The following PLA2G5 variants were observed in gnomAD, a reference collection of about 807,000 sequenced individuals.
PLA2G5 encodes phospholipase A2 group V.
In PLA2G5, 12 loss-of-function variants were observed where a neutral mutation model predicts 15.9. That is an observed-to-expected ratio of 0.76 (90% CI 0.48 to 1.23). The LOEUF is 1.23. Ranked by LOEUF, PLA2G5 falls within the 50% of genes most tolerant of loss-of-function variation. The pLI, the probability that PLA2G5 is intolerant of heterozygous loss-of-function variation, is 0.00. For missense variants in PLA2G5, 169 were observed against 177.1 expected (o/e 0.95, Z 0.26); for synonymous variants, 71 against 71.4 (o/e 0.99, Z 0.03).
intron 1 of PLA2G5, among the ~76,000 whole-genome samples, chr1:20,058,313 G>C (rs1468724387): frequency 1.3e-5 from 2 of 152,120 alleles, no homozygotes; most frequent in African/African-American, 2.4e-5. Flanking sequence ...TCCGTTGTGA[G>C]GGGCATACAC....
chr1:20,039,347 A>C (rs2013460210), intron 1 of PLA2G5, among the ~76,000 whole-genome samples: 1 of 152,186 alleles, frequency 6.6e-6, no homozygotes, highest in Admixed American at 6.5e-5. Flanking sequence ...GGTGTCAATA[A>C]ACTTGTTTCC....
At chr1:20,036,879 GGT>G (rs1466132468) in intron 1 of PLA2G5, among the ~76,000 whole-genome samples, 2 of 151,750 alleles carry the variant, frequency 1.3e-5, no homozygotes, top group Non-Finnish European at 2.9e-5. Context: ...TGGTCACGCT[GGT>G]CTCGAACTCC....
chr1:20,032,980 C>T (rs933087803), intron 1 of PLA2G5, among the ~76,000 whole-genome samples: 3 of 152,202 alleles, frequency 2.0e-5, no homozygotes, highest in Non-Finnish European at 4.4e-5. Context: ...TTGCCATTTC[C>T]TATGGGGATT....
chr1:20,068,852 C>T, upstream of PLA2G5: 2 of 804,586 alleles, frequency 2.5e-6, no homozygotes, highest in South Asian at 3.1e-5. Context: ...TCTTGTTTTC[C>T]AATGTGTTGC....
At chr1:20,030,861 C>T (rs2012883543) in intron 1 of PLA2G5, among the ~76,000 whole-genome samples, 1 of 152,226 alleles carries the variant, frequency 6.6e-6, no homozygotes, top group African/African-American at 2.4e-5. Context: ...CAACACAGCA[C>T]ATGTTTCTGT....
At chr1:20,066,670 T>G (rs2015048390), upstream of PLA2G5, among the ~76,000 whole-genome samples, 1 of 152,212 alleles carries the variant, frequency 6.6e-6, no homozygotes, top group Non-Finnish European at 1.5e-5. Context: ...CTTTTTGTTT[T>G]GTGTACATAT....
chr1:20,039,770 T>G (rs72661061), intron 1 of PLA2G5, among the ~76,000 whole-genome samples: 25,444 of 152,138 alleles, frequency 0.17, 2,295 homozygotes, highest in East Asian at 0.28. Context: ...CTGTACAGTT[T>G]TTAGGTAGTT....
chr1:20,040,287 A>G (rs2013519959), intron 1 of PLA2G5, among the ~76,000 whole-genome samples: 1 of 152,156 alleles, frequency 6.6e-6, no homozygotes, highest in African/African-American at 2.4e-5. Flanking sequence ...ATAGTTGTTC[A>G]AGATGATGCA....
chr1:20,082,695 G>A (rs891576707), intron 1 of PLA2G5, among the ~76,000 whole-genome samples: 2 of 151,950 alleles, frequency 1.3e-5, no homozygotes, highest in African/African-American at 4.9e-5. Context: ...GTATATGAAA[G>A]GCATGCTCAC....
At chr1:20,060,618 A>T (rs182809633) in intron 2 of PLA2G5, among the ~76,000 whole-genome samples, 9 of 151,240 alleles carry the variant, frequency 6.0e-5, no homozygotes, top group Admixed American at 2.6e-4. Context: ...TGTAAAGAGC[A>T]CCTCCTTTTA....
chr1:20,088,423 G>A (rs1330370816), intron 3 of PLA2G5, among the ~76,000 whole-genome samples: 6 of 147,186 alleles, frequency 4.1e-5, no homozygotes, highest in Admixed American at 4.0e-4. Flanking sequence ...TCCTGGGACA[G>A]AAAAAGGACA....
intron 1 of PLA2G5, among the ~76,000 whole-genome samples, chr1:20,038,861 G>A (rs866324915): frequency 1.2e-4 from 19 of 152,366 alleles, no homozygotes; most frequent in Middle Eastern, 3.4e-3. Context: ...CAGCAGTCCT[G>A]TGGTTGTTGA....
chr1:20,033,987 G>A (rs2013108185), intron 1 of PLA2G5, among the ~76,000 whole-genome samples: 1 of 152,100 alleles, frequency 6.6e-6, no homozygotes, highest in Admixed American at 6.5e-5. Flanking sequence ...TCCCTTATTA[G>A]CTCCTTTGGT....
At chr1:20,029,522 A>G (rs2012790214) in intron 1 of PLA2G5, among the ~76,000 whole-genome samples, 1 of 152,174 alleles carries the variant, frequency 6.6e-6, no homozygotes, top group Admixed American at 6.5e-5. Flanking sequence ...TATAGGCACA[A>G]GATGGGGGCA....
At chr1:20,068,970 G>C, upstream of PLA2G5, 1 of 1,284,290 alleles carries the variant, frequency 7.8e-7, no homozygotes, top group Non-Finnish European at 1.0e-6. Flanking sequence ...GGACAAAGAG[G>C]CCCAGAATTG....
At chr1:20,053,574 G>T (rs1037450964) in intron 1 of PLA2G5, among the ~76,000 whole-genome samples, 2 of 143,230 alleles carry the variant, frequency 1.4e-5, no homozygotes, top group Admixed American at 1.4e-4. Flanking sequence ...ACTTTGCGGG[G>T]GGGGGGGTGA....
chr1:20,062,947 C>G (rs997520449), intron 2 of PLA2G5, among the ~76,000 whole-genome samples: 6 of 152,108 alleles, frequency 3.9e-5, no homozygotes, highest in Non-Finnish European at 8.8e-5. Flanking sequence ...GATCTGTGGC[C>G]CCAAGTTTCT....
intron 1 of PLA2G5, among the ~76,000 whole-genome samples, chr1:20,056,073 A>G (rs976266010): frequency 2.0e-5 from 3 of 152,080 alleles, no homozygotes; most frequent in African/African-American, 7.2e-5. Flanking sequence ...TAAACACTGC[A>G]TTTCCCTTTC....
chr1:20,068,874 C>G, upstream of PLA2G5: 1 of 1,179,536 alleles, frequency 8.5e-7, no homozygotes, highest in South Asian at 1.3e-5. Flanking sequence ...TCCTGGAAGC[C>G]GCTGATACAG....
Sources: allele counts gnomAD v4.1 joint callset (sites outside exome capture counted in the v4.1 genomes callset), GRCh38; gene constraint gnomAD v4.1.1; transcripts MANE v1.5; gene names NCBI Gene and HGNC (gene_info 2026-07-23, HGNC 2026-07-21).